The following TSC22D2 variants were observed in gnomAD, a reference collection of about 807,000 sequenced individuals.
TSC22D2 encodes the protein TSC22 domain family member 2.
TSC22D2 carries 5 observed loss-of-function variants against 50.1 expected under a neutral mutation model. The observed-to-expected ratio is 0.10, with a 90% CI of 0.05 to 0.21. TSC22D2 has a LOEUF of 0.21. Ranked by LOEUF, TSC22D2 falls within the 10% of genes least tolerant of loss-of-function variation. TSC22D2 has a pLI of 1.00. For synonymous variants in TSC22D2, 501 were observed against 450.1 expected (o/e 1.11, Z -1.43); for missense variants, 1,003 against 1,015.5 (o/e 0.99, Z 0.17).
chr3:150,456,244 A>G (rs546946233), intron 1 of TSC22D2, among the ~76,000 whole-genome samples: 20 of 150,906 alleles, frequency 1.3e-4, no homozygotes, highest in Non-Finnish European at 2.4e-4. Context: ...CTGGATTGCA[A>G]TGGCGTGATC....
intron 1 of TSC22D2, among the ~76,000 whole-genome samples, chr3:150,455,316 A>G (rs1035460254): frequency 9.2e-5 from 14 of 152,324 alleles, no homozygotes; most frequent in African/African-American, 2.6e-4. Context: ...ATAGTTACAT[A>G]TAGTCATACT....
chr3:150,435,287 T>C (rs931271324), intron 1 of TSC22D2, among the ~76,000 whole-genome samples: 2 of 152,186 alleles, frequency 1.3e-5, no homozygotes, highest in Admixed American at 6.5e-5. Context: ...GGCCTTTTTA[T>C]ATGTTAATTT....
intron 1 of TSC22D2, among the ~76,000 whole-genome samples, chr3:150,444,152 A>G (rs1288395662): frequency 6.6e-6 from 1 of 152,090 alleles, no homozygotes; most frequent in Non-Finnish European, 1.5e-5. Context: ...ACCTACCTTT[A>G]TTGGGGAGAA....
chr3:150,415,347 A>G (rs74401720), intron 1 of TSC22D2, among the ~76,000 whole-genome samples: 5,684 of 152,320 alleles, frequency 0.037, 129 homozygotes, highest in Middle Eastern at 0.075. Flanking sequence ...ATGTGTGTGA[A>G]TAATACAGAT....
chr3:150,439,853 T>C (rs1720660314), intron 1 of TSC22D2, among the ~76,000 whole-genome samples: 1 of 152,158 alleles, frequency 6.6e-6, no homozygotes, highest in Admixed American at 6.5e-5. Flanking sequence ...CAATGCTGGG[T>C]TACTATAAAT....
At chr3:150,433,557 G>C (rs974323161) in intron 1 of TSC22D2, among the ~76,000 whole-genome samples, 5 of 152,210 alleles carry the variant, frequency 3.3e-5, no homozygotes, top group African/African-American at 1.2e-4. Flanking sequence ...GGAGGGAAAA[G>C]AGTTGCAGTG....
At chr3:150,444,860 TTA>T (rs1346724031) in intron 1 of TSC22D2, among the ~76,000 whole-genome samples, 1 of 152,160 alleles carries the variant, frequency 6.6e-6, no homozygotes, top group Non-Finnish European at 1.5e-5. Context: ...ATTTTTTACT[TTA>T]TGTCAGAATC....
chr3:150,461,301 T>C lies in TSC22D2; in HGVS notation c.*2665T>C, dbSNP rs759523293. Reference sequence around the variant, plus strand: ...TACTGTCAACCCTTCCCCCAGCTGATTGTTTAGGATCTTAAGTAACTTCCA... The same window carrying C: ...TACTGTCAACCCTTCCCCCAGCTGACTGTTTAGGATCTTAAGTAACTTCCA... On this transcript the variant is annotated 3_prime_UTR_variant, in exon 3 of 3. Coordinates refer to ENST00000688009, the MANE Select transcript of TSC22D2 (RefSeq NM_001303264.2). The C allele has an allele frequency of 6.6e-6, 1 of 152,104 alleles. No individual in the cohort carries two copies. Among genetic ancestry groups the C allele is most frequent in the Non-Finnish European group, 1.5e-5 (1 of 68,006 alleles). The allele number at this position is 152,104 out of a possible 1,614,324, so 9.4% of individuals were successfully genotyped here.
At chr3:150,418,968 CTAAGTT>C (rs1038418331) in intron 1 of TSC22D2, among the ~76,000 whole-genome samples, 20 of 152,008 alleles carry the variant, frequency 1.3e-4, no homozygotes, top group Admixed American at 6.5e-4. Flanking sequence ...ACCCCTGGCT[CTAAGTT>C]TAAGTATTCT....
chr3:150,410,474 C>T lies in TSC22D2; in HGVS notation c.1124C>T (p.Ser375Phe), dbSNP rs773996320. 5.6e-6 allele frequency: 9 copies of T among 1,607,828 alleles called. No individual in the cohort carries two copies. The highest frequency in any genetic ancestry group is 6.8e-6 in the Non-Finnish European group (8 of 1,178,122). ...PPGHLLPVQP[S>F]GQSEYLQQHV... Reference sequence around the variant, plus strand: ...GGACATTTGCTGCCCGTCCAGCCCTCCGGCCAGAGTGAGTACCTGCAGCAG... The same window carrying T: ...GGACATTTGCTGCCCGTCCAGCCCTTCGGCCAGAGTGAGTACCTGCAGCAG... The change falls in exon 1 of 3, where the codon TCC becomes TTC. Residue 375 changes from serine to phenylalanine, a missense_variant. By Grantham distance (155) the Ser-to-Phe change is radical. This residue lies in a region of TSC22D2 where 696 missense variants were observed against 647.8 expected (regional missense o/e 1.07). Coordinates refer to ENST00000688009, the MANE Select transcript of TSC22D2 (RefSeq NM_001303264.2).
rs1032191593 is a variant in TSC22D2 at position 150,459,546 on chromosome 3, G to A, written c.*910G>A. On this transcript the variant is annotated 3_prime_UTR_variant, in exon 3 of 3. Coordinates refer to ENST00000688009, the MANE Select transcript of TSC22D2 (RefSeq NM_001303264.2). ...TTTGTAACCAAAGAAGCAAAGCTGT[G>A]TAATGGAGTTTGGTTTTTTTTTGTT... 4 of 142,422 alleles carry A rather than the reference G, an allele frequency of 2.8e-5. No homozygotes were observed. Among genetic ancestry groups the A allele is most frequent in the African/African-American group, 1.0e-4 (4 of 38,454 alleles). 8.8% of individuals were successfully genotyped at this position (142,422 alleles called of 1,614,324 possible).
At chr3:150,434,222 C>G (rs1277908358) in intron 1 of TSC22D2, among the ~76,000 whole-genome samples, 3 of 150,280 alleles carry the variant, frequency 2.0e-5, no homozygotes, top group Non-Finnish European at 4.4e-5. Context: ...AATGTTGGCT[C>G]ACTGCAACCT....
In TSC22D2 at chr3:150,409,270, G is replaced by A. The variant is rs1391336327; in HGVS notation, c.-81G>A. ...GCGCAGACTCGGACTTTGTCTTTGG[G>A]GGCCCGTGCTCTGCCCTCCCCGGTT... On this transcript the variant is annotated 5_prime_UTR_variant, in exon 1 of 3. Transcript: ENST00000688009. The surrounding 1 kb of genome is among the most constrained non-coding windows in gnomAD (Gnocchi z 7.4). 5 of 1,466,128 alleles carry A rather than the reference G, an allele frequency of 3.4e-6. No individual in the cohort carries two copies. Among genetic ancestry groups the A allele is most frequent in the Middle Eastern group, 2.3e-4 (1 of 4,320 alleles). The allele number at this position is 1,466,128 out of a possible 1,614,324, so 90.8% of individuals were successfully genotyped here.
At chr3:150,454,487 G>T (rs1721129798) in intron 1 of TSC22D2, among the ~76,000 whole-genome samples, 1 of 152,158 alleles carries the variant, frequency 6.6e-6, no homozygotes, top group Non-Finnish European at 1.5e-5. Context: ...TAAGCCAGCA[G>T]TTCTCAAAGC....
intron 1 of TSC22D2, among the ~76,000 whole-genome samples, chr3:150,442,444 T>C (rs1304909913): frequency 3.9e-5 from 6 of 152,254 alleles, no homozygotes; most frequent in Admixed American, 3.9e-4. Flanking sequence ...TGTATACAAT[T>C]AGAGACAAGA....
intron 1 of TSC22D2, among the ~76,000 whole-genome samples, chr3:150,417,599 T>A (rs1202867600): frequency 6.6e-6 from 1 of 152,064 alleles, no homozygotes; most frequent in Non-Finnish European, 1.5e-5. Flanking sequence ...TGTTTCCTCT[T>A]ATGAAAAATG....
At chr3:150,440,023 T>C (rs1396791792) in intron 1 of TSC22D2, among the ~76,000 whole-genome samples, 1 of 152,222 alleles carries the variant, frequency 6.6e-6, no homozygotes, top group South Asian at 2.1e-4. Flanking sequence ...TTTGGCACAT[T>C]ATCTCATTTA....
At chr3:150,423,168 G>A in intron 1 of TSC22D2, 1 of 1,381,704 alleles carries the variant, frequency 7.2e-7, no homozygotes, top group Non-Finnish European at 1.0e-6. Flanking sequence ...CTGTATGCAT[G>A]AATTGCTTTG....
At chr3:150,452,922 A>G (rs1298714245) in intron 1 of TSC22D2, among the ~76,000 whole-genome samples, 1 of 152,214 alleles carries the variant, frequency 6.6e-6, no homozygotes, top group Non-Finnish European at 1.5e-5. Context: ...TAGAAAGTTT[A>G]TTTTTAAAAA....
Sources: gnomAD v4.1 joint callset for allele counts (sites outside exome capture counted in the v4.1 genomes callset) on GRCh38, gnomAD v4.1.1 for gene constraint, gnomAD v4.1.1 regional missense constraint, Gnocchi (gnomAD v3.1) non-coding constraint, MANE v1.5 for transcripts, NCBI Gene and HGNC (gene_info 2026-07-23, HGNC 2026-07-21) for gene names.